GNL3L: variants seen among roughly 807,000 people sequenced by gnomAD.
GNL3L encodes the protein G protein nucleolar 3 like.
Under a neutral mutation model 42.9 loss-of-function variants are expected in GNL3L, and 4 were observed. The observed-to-expected ratio is 0.09, with a 90% CI of 0.05 to 0.21. GNL3L has a LOEUF of 0.21. GNL3L is among the 10% of genes least tolerant of loss of function. The pLI is 1.00. For synonymous variants in GNL3L, 159 were observed against 176.3 expected, an observed-to-expected ratio of 0.90 and a Z score of 0.78; for missense variants, 412 against 481.7, an observed-to-expected ratio of 0.86 and a Z score of 1.36.
Position 54,548,376 on chromosome X carries a change from A to G in GNL3L, c.775+3A>G. On this transcript the variant is annotated splice_donor_region_variant and intron_variant, in intron 9 of 15. Transcript: ENST00000360845. The stretch of plus-strand genomic sequence containing the variant: ...CCACATTCGTGTGGGTGTTGTGGGT[A>G]AGACCTGCTGTGTGGTCATGGGGCT... 8.4e-7 allele frequency: 1 copy of G among 1,197,456 alleles called. No homozygotes were observed. Among genetic ancestry groups the G allele is most frequent in the Non-Finnish European group, 1.1e-6 (1 of 883,896 alleles).
rs1023332461 is a variant in GNL3L, at chrX:54,607,033, T to C, written c.*46-13812T>C. On this transcript the variant is annotated intron_variant, in intron 16 of 16. Transcript: ENST00000674498. ...CTTTCTTTCTTTCTTTCTTTCTTTC[T>C]TTCTTTCTTTCTTTCTTTCTTTCTT... 1.5e-3 allele frequency among the ~76,000 whole-genome samples: 104 copies of C among 68,963 alleles called. 9 individuals carry two copies. The highest frequency in any genetic ancestry group is 9.7e-3 in the African/African-American group (96 of 9,869). The allele number at this position is 68,963 out of a possible 115,157, so 59.9% of individuals were successfully genotyped here.
chrX:54,541,974 G>A (rs973190994), intron 5 of GNL3L, among the ~76,000 whole-genome samples: 1 of 110,780 alleles, frequency 9.0e-6, no homozygotes, highest in Non-Finnish European at 1.9e-5. Flanking sequence ...CCTGGTGCTC[G>A]AGCACACGTA....
chrX:54,600,773 T>C (rs1925996448), intron 16 of GNL3L, among the ~76,000 whole-genome samples: 1 of 111,231 alleles, frequency 9.0e-6, no homozygotes, highest in Non-Finnish European at 1.9e-5. Context: ...ACATGTAAAA[T>C]GGTACAGCCA....
At chrX:54,541,780 T>G (rs1434150916) in intron 5 of GNL3L, among the ~76,000 whole-genome samples, 1 of 111,418 alleles carries the variant, frequency 9.0e-6, no homozygotes, top group Non-Finnish European at 1.9e-5. Context: ...TTCTAGGGCT[T>G]CTTGCTGCCT....
intron 3 of GNL3L, 85 bp from the exon 4 acceptor site, chrX:54,540,050 T>G: frequency 1.8e-6 from 1 of 566,200 alleles, no homozygotes; most frequent in Non-Finnish European, 3.1e-6. Flanking sequence ...GGATGTTGTC[T>G]TCCTTCTAGG....
Position 54,613,467 on chromosome X carries a change from T to C in GNL3L, c.*46-7378T>C, listed in dbSNP as rs191857747. Among the ~76,000 whole-genome samples, 7 of 111,226 alleles carry C rather than the reference T, an allele frequency of 6.3e-5. No individual in the cohort carries two copies. In the East Asian group the frequency reaches 2.0e-3, roughly 32 times the overall value. ...GGACTTCTTCTTGGTTTGGATCCAT[T>C]GCTGGTGAACTAGTGTGATTTTTTG... is the stretch of plus-strand genomic sequence containing the variant. On this transcript the variant is annotated intron_variant, in intron 16 of 16. Transcript: ENST00000674498.
Position 54,595,472 on chromosome X carries a change from C to A in GNL3L, c.*46-25373C>A, listed in dbSNP as rs534997773. 3.6e-4 allele frequency among the ~76,000 whole-genome samples: 40 copies of A among 111,563 alleles called. 1 individual carries two copies. In the South Asian group the frequency reaches 0.015, roughly 42 times the overall value. On this transcript the variant is annotated intron_variant, in intron 16 of 16. Transcript: ENST00000674498. ...TCTTTTGCTGCTTTTAGAATCCTTTCTTTATCCTTTGGGAGTTTGGTTATT... is the reference window on the plus strand; with the variant it reads ...TCTTTTGCTGCTTTTAGAATCCTTTATTTATCCTTTGGGAGTTTGGTTATT...
rs1171633304 is a variant in GNL3L at position 54,550,991 on chromosome X, G to T, written c.804G>T (p.Leu268=). ...VGLPNVGKSS[L]INSLKRSRAC... ...TTCCCAATGTTGGGAAGAGCAGCCT[G>T]ATCAATAGCCTGAAGCGCAGCCGCG... is the stretch of plus-strand genomic sequence containing the variant. The change falls in exon 10 of 16, where the codon CTG becomes CTT. Residue 268 remains leucine, a synonymous_variant. Coordinates refer to ENST00000360845, the MANE Select transcript of GNL3L (RefSeq NM_001184819.2). The T allele has an allele frequency of 1.7e-6, 2 of 1,164,413 alleles. No homozygotes were observed. The highest frequency in any genetic ancestry group is 3.5e-5 in the African/African-American group (2 of 56,540).
chrX:54,607,082 CTTCTTTCTTTCTTTCTTTCTTTCTTTCTT>C (rs1926099007), intron 16 of GNL3L, among the ~76,000 whole-genome samples: 16 of 21,995 alleles, frequency 7.3e-4, no homozygotes, highest in African/African-American at 1.8e-3. Context: ...CTCTTTCTTT[CTTCTTTCTTTCTTTCTTTCTTTCTTTCTT>C]TCTTTCTTTC....
At chrX:54,535,476 GT>G (rs1924394677) in intron 2 of GNL3L, among the ~76,000 whole-genome samples, 1 of 111,453 alleles carries the variant, frequency 9.0e-6, no homozygotes, top group Non-Finnish European at 1.9e-5. Flanking sequence ...CCTTATTTAT[GT>G]TTTGCTAACT....
chrX:54,560,224 T>C (rs988299273), intron 15 of GNL3L, among the ~76,000 whole-genome samples: 2 of 111,687 alleles, frequency 1.8e-5, no homozygotes, highest in African/African-American at 6.5e-5. Context: ...AAGTTTGACA[T>C]AGTAAAAGAA....
At chrX:54,533,557 A>T (rs1322405467) in intron 2 of GNL3L, among the ~76,000 whole-genome samples, 1 of 111,143 alleles carries the variant, frequency 9.0e-6, no homozygotes, top group Non-Finnish European at 1.9e-5. Flanking sequence ...TGTCATCAAG[A>T]ATCATACTGT....
intron 16 of GNL3L, among the ~76,000 whole-genome samples, chrX:54,618,557 T>C (rs1327909601): frequency 9.0e-6 from 1 of 110,785 alleles, no homozygotes; most frequent in Non-Finnish European, 1.9e-5. Flanking sequence ...TAGATCACAA[T>C]AGAAAAATGG....
intron 9 of GNL3L, 67 bp from the exon 10 acceptor site, chrX:54,550,896 C>T (rs1157540798): frequency 3.1e-6 from 2 of 635,464 alleles, no homozygotes; most frequent in Non-Finnish European, 5.2e-6. Context: ...AGGCCTCCCT[C>T]ACACAGGCTG....
At chrX:54,602,273 A>G (rs1019751461) in intron 16 of GNL3L, among the ~76,000 whole-genome samples, 2 of 111,734 alleles carry the variant, frequency 1.8e-5, no homozygotes, top group African/African-American at 6.5e-5. Context: ...AATTTTAGGT[A>G]TTGTCATAGT....
In GNL3L at chrX:54,600,206, C is replaced by CTTTTTTTTTTTTTTTTTTTTTTTT. The variant is rs1172527598; in HGVS notation, c.*46-20625_*46-20602dup. On this transcript the variant is annotated intron_variant, in intron 16 of 16. Transcript: ENST00000674498. ...CTCTAGATTTTATTCCAATCTGCTG[C>CTTTTTTTTTTTTTTTTTTTTTTTT]TTTTTTTTTTTTTTTTTTTTTTTTT... is the stretch of plus-strand genomic sequence containing the variant. 1.5e-4 allele frequency among the ~76,000 whole-genome samples: 2 copies of CTTTTTTTTTTTTTTTTTTTTTTTT among 13,386 alleles called. 1 individual carries two copies. Among genetic ancestry groups the CTTTTTTTTTTTTTTTTTTTTTTTT allele is most frequent in the Non-Finnish European group, 2.7e-4 (2 of 7,487 alleles). The allele number at this position is 13,386 out of a possible 115,157, so 11.6% of individuals were successfully genotyped here.
chrX:54,595,036 C>T (rs187957319), intron 16 of GNL3L, among the ~76,000 whole-genome samples: 1 of 112,117 alleles, frequency 8.9e-6, no homozygotes, highest in African/African-American at 3.2e-5. Flanking sequence ...ATTTTACTTA[C>T]GATAAGAGTA....
the GNL3L span, among the ~76,000 whole-genome samples, chrX:54,627,087 C>T: frequency 9.0e-6 from 1 of 110,798 alleles, no homozygotes; most frequent in Non-Finnish European, 1.9e-5. Context: ...TGGCTCACTG[C>T]AACCTCCACC....
At position 54,548,260 on chromosome X, in the gene GNL3L, C is replaced by T. The variant is rs1924830269; in HGVS notation, c.662C>T (p.Ser221Phe). The T allele has an allele frequency of 8.3e-7, 1 of 1,204,613 alleles. No individual in the cohort carries two copies. Among genetic ancestry groups the T allele is most frequent in the East Asian group, 3.0e-5 (1 of 33,790 alleles). Residue 221 changes from serine to phenylalanine, a missense_variant, in exon 9 of 16, where the codon TCT (serine) becomes TTT (phenylalanine). By Grantham distance (155) the Ser-to-Phe change is radical (BLOSUM62 -2). Transcript: ENST00000360845. ...TGCAGTGTGCCAGTAGATCAGGCCT[C>T]TGAGTCACTGCTGAAAAGCAAAGCC... ...NRCSVPVDQA[S>F]ESLLKSKACF...
Sources: allele counts gnomAD v4.1 joint callset (sites outside exome capture counted in the v4.1 genomes callset), GRCh38; gene constraint gnomAD v4.1.1; transcripts MANE v1.5; gene names NCBI Gene and HGNC (gene_info 2026-07-23, HGNC 2026-07-21).